DRC1: variants seen among roughly 807,000 people sequenced by gnomAD.
DRC1 encodes dynein regulatory complex subunit 1, also known as dynein regulatory complex protein 1.
In DRC1, 74 loss-of-function variants were observed where a neutral mutation model predicts 98.7. The observed-to-expected ratio is 0.75, with a 90% CI of 0.62 to 0.91. The LOEUF (loss-of-function observed/expected upper bound fraction) is 0.91. Among genes scored for constraint, DRC1 ranks in the 40% least tolerant of loss-of-function variants. DRC1 has a pLI of 0.00. For synonymous variants in DRC1, 336 were observed against 334.1 expected, an observed-to-expected ratio of 1.01 and a Z score of -0.06; for missense variants, 875 against 886.0, an observed-to-expected ratio of 0.99 and a Z score of 0.16.
At chr2:26,412,647 T>C (rs1326146922) in intron 1 of DRC1, among the ~76,000 whole-genome samples, 1 of 152,170 alleles carries the variant, frequency 6.6e-6, no homozygotes, top group Admixed American at 6.5e-5. Flanking sequence ...ATTTAGAAAA[T>C]TCATGCAATA....
intron 10 of DRC1, among the ~76,000 whole-genome samples, chr2:26,446,884 G>T (rs1286407334): frequency 6.6e-6 from 1 of 152,042 alleles, no homozygotes. Context: ...CTGAGGTCAG[G>T]AATTCGAGAC....
rs780100027 is a variant in DRC1, at chr2:26,444,910, C to A, written c.1358C>A (p.Ser453Tyr). 2 of 1,614,168 alleles carry A rather than the reference C, an allele frequency of 1.2e-6. No homozygotes were observed. Among genetic ancestry groups the A allele is most frequent in the Non-Finnish European group, 1.7e-6 (2 of 1,180,034 alleles). ...VGPISQQPQK[S>Y]ATQIVEEMLM... ...CCTATTTCTCAGCAGCCCCAGAAGT[C>A]CGCCACACAGATAGTAGAAGAAATG... Residue 453 changes from serine to tyrosine, a missense_variant, in exon 10 of 17, where the codon TCC becomes TAC. Physicochemically the swap from Ser to Tyr is moderately radical, Grantham distance 144. Coordinates refer to ENST00000288710, the MANE Select transcript of DRC1 (RefSeq NM_145038.5).
At chr2:26,430,083 G>A (rs1663393425) in intron 5 of DRC1, among the ~76,000 whole-genome samples, 1 of 152,060 alleles carries the variant, frequency 6.6e-6, no homozygotes, top group Admixed American at 6.6e-5. Context: ...TTTTACAGGT[G>A]GTAATAAGTG....
At chr2:26,431,838 G>A in intron 6 of DRC1, 46 bp from the exon 7 acceptor site, 3 of 1,608,994 alleles carry the variant, frequency 1.9e-6, no homozygotes, top group Non-Finnish European at 8.5e-7. Flanking sequence ...ATTGAGGTGG[G>A]GCAAGGATGG....
At chr2:26,447,985 G>T (rs546200026) in intron 10 of DRC1, among the ~76,000 whole-genome samples, 5 of 151,560 alleles carry the variant, frequency 3.3e-5, no homozygotes, top group Non-Finnish European at 7.4e-5. Flanking sequence ...AGCACTTTGG[G>T]AGGCCGAGGC....
intron 4 of DRC1, among the ~76,000 whole-genome samples, chr2:26,427,518 T>C (rs1463621603): frequency 6.6e-6 from 1 of 152,208 alleles, no homozygotes; most frequent in African/African-American, 2.4e-5. Context: ...GATAATCACA[T>C]TGGGGTAAAT....
rs115012446 is a variant in DRC1, at chr2:26,442,639, T to C, written c.1029-1583T>C. On this transcript the variant is annotated intron_variant, in intron 8 of 16. Coordinates refer to ENST00000288710, the MANE Select transcript of DRC1 (RefSeq NM_145038.5). ...TTTTTGTTGATGACTGCCAACCTCA[T>C]ATCCCCAATCCTGAGCTCACCTTTC... Among the ~76,000 whole-genome samples, 696 of 152,266 alleles carry C rather than the reference T, an allele frequency of 4.6e-3. 5 individuals carry two copies. Among genetic ancestry groups the C allele is most frequent in the African/African-American group, 0.016 (668 of 41,546 alleles).
intron 7 of DRC1, among the ~76,000 whole-genome samples, chr2:26,432,601 A>AG (rs1663464493): frequency 4.4e-5 from 2 of 44,956 alleles, no homozygotes; most frequent in Non-Finnish European, 1.1e-4. Flanking sequence ...GAAAGAAAGA[A>AG]AAAAAAAGAA....
chr2:26,424,582 A>G (rs2147987571), intron 4 of DRC1, 128 bp downstream of exon 4: 1 of 978,002 alleles, frequency 1.0e-6, no homozygotes, highest in South Asian at 2.0e-5. Flanking sequence ...ATGCTGTACA[A>G]GTCATGTTAT....
At chr2:26,428,814 G>A (rs1024688372) in intron 4 of DRC1, among the ~76,000 whole-genome samples, 2 of 151,928 alleles carry the variant, frequency 1.3e-5, no homozygotes, top group Non-Finnish European at 1.5e-5. Flanking sequence ...AAAAAATACC[G>A]TATTATAATC....
intron 7 of DRC1, among the ~76,000 whole-genome samples, chr2:26,435,751 CT>C (rs58013906): frequency 2.7e-3 from 387 of 143,008 alleles, no homozygotes; most frequent in Admixed American, 2.4e-3. Context: ...TATTCTCATT[CT>C]TTTTTTTTTT....
chr2:26,440,517 G>C lies in DRC1; in HGVS notation c.1028G>C (p.Arg343Pro). ...TCCCAGCAGAAGAGGAAGATCAATC[G>C]GTAAGCTAGCATGCAGAGCGTCTTT... ...IKSQQKRKIN[R>P]LHDILNNLRS... Residue 343 changes from arginine (R) to proline (P), a missense_variant and splice_region_variant, in exon 8 of 17, where the codon CGC becomes CCC. By Grantham distance (103) the Arg-to-Pro change is moderately radical (BLOSUM62 -2). Coordinates refer to ENST00000288710, the MANE Select transcript of DRC1 (RefSeq NM_145038.5). The C allele has an allele frequency of 1.2e-6, 2 of 1,609,090 alleles. No individual in the cohort carries two copies. Among genetic ancestry groups the C allele is most frequent in the Non-Finnish European group, 1.7e-6 (2 of 1,177,178 alleles).
chr2:26,419,096 T>A (rs1326650947), intron 2 of DRC1, among the ~76,000 whole-genome samples: 1 of 151,672 alleles, frequency 6.6e-6, no homozygotes, highest in East Asian at 1.9e-4. Flanking sequence ...ACCATGTTGT[T>A]CAGGCTGGTC....
rs1664187769 is a variant in DRC1 at position 26,456,699 on chromosome 2, C to G, written c.*182C>G. 1.5e-6 allele frequency: 1 copy of G among 655,638 alleles called. No homozygotes were observed. The highest frequency in any genetic ancestry group is 4.1e-4 in the Middle Eastern group (1 of 2,426). The allele number at this position is 655,638 out of a possible 1,614,324, so 40.6% of individuals were successfully genotyped here. A position where few individuals can be genotyped will look rare whatever the true frequency, so the allele number is the denominator to read the frequency against. The stretch of plus-strand genomic sequence containing the variant: ...CCTGTGTCCTGCATTATGATTAAAG[C>G]CTTTTAAAGTTGTGGCTGAATCTCT... On this transcript the variant is annotated 3_prime_UTR_variant, in exon 17 of 17. Coordinates refer to ENST00000288710, the MANE Select transcript of DRC1 (RefSeq NM_145038.5).
At chr2:26,420,792 C>T (rs1475352080) in intron 2 of DRC1, among the ~76,000 whole-genome samples, 3 of 143,012 alleles carry the variant, frequency 2.1e-5, no homozygotes, top group Non-Finnish European at 4.5e-5. Flanking sequence ...GAGATAGGGT[C>T]TCACTTTGTT....
intron 4 of DRC1, among the ~76,000 whole-genome samples, chr2:26,425,067 T>C (rs1330177003): frequency 1.3e-5 from 2 of 152,218 alleles, no homozygotes; most frequent in Non-Finnish European, 2.9e-5. Context: ...CTATGCCCCT[T>C]AGACACCAAT....
chr2:26,453,558 CG>C lies in DRC1; in HGVS notation c.1919+13del. ...GGTCTGAAGAAGCCTAGGTGGGCTG[CG>C]GGGCTGGAAGGCTTGCCTGAGACCA... On this transcript the variant is annotated intron_variant, in intron 14 of 16. Transcript: ENST00000288710. 1 of 1,611,126 alleles carries C rather than the reference CG, an allele frequency of 6.2e-7. No homozygotes were observed. Among genetic ancestry groups the C allele is most frequent in the Non-Finnish European group, 8.5e-7 (1 of 1,178,220 alleles).
Position 26,444,231 on chromosome 2 carries a change from T to A in DRC1, c.1038T>A (p.Asp346Glu). Reference protein sequence around the residue: ...QQKRKINRLHDILNNLRSKYA... With the variant: ...QQKRKINRLHEILNNLRSKYA... The stretch of plus-strand genomic sequence containing the variant: ...TTTCTCCTTCAACCAGCCTGCATGA[T>A]ATACTTAACAATCTGAGATCAAAAT... Residue 346 changes from aspartate (D) to glutamate (E), a missense_variant, in exon 9 of 17, where the codon GAT (aspartate) becomes GAA (glutamate). Coordinates refer to ENST00000288710, the MANE Select transcript of DRC1 (RefSeq NM_145038.5). The A allele has an allele frequency of 6.2e-7, 1 of 1,614,166 alleles. No homozygotes were observed.
chr2:26,456,711 G>A lies in DRC1; in HGVS notation c.*194G>A. On this transcript the variant is annotated 3_prime_UTR_variant, in exon 17 of 17. Coordinates refer to ENST00000288710, the MANE Select transcript of DRC1 (RefSeq NM_145038.5). ...ATTATGATTAAAGCCTTTTAAAGTT[G>A]TGGCTGAATCTCTTTAAAGAGGTCA... The A allele has an allele frequency of 1.6e-6, 1 of 621,998 alleles. No homozygotes were observed. The highest frequency in any genetic ancestry group is 2.8e-5 in the East Asian group (1 of 35,628). 38.5% of individuals were successfully genotyped at this position (621,998 alleles called of 1,614,324 possible). A position where few individuals can be genotyped will look rare whatever the true frequency, so the allele number is the denominator to read the frequency against.
Sources: gnomAD v4.1 joint callset for allele counts (sites outside exome capture counted in the v4.1 genomes callset) on GRCh38, gnomAD v4.1.1 for gene constraint, MANE v1.5 for transcripts, NCBI Gene and HGNC (gene_info 2026-07-23, HGNC 2026-07-21) for gene names.